DPEP2: variants seen among roughly 807,000 people sequenced by gnomAD.
DPEP2 encodes dipeptidase 2.
A neutral mutation model predicts 51.8 loss-of-function variants in DPEP2; 45 were observed. The observed-to-expected ratio is 0.87, with a 90% CI of 0.68 to 1.11. The LOEUF (loss-of-function observed/expected upper bound fraction) is 1.11. Ranked by LOEUF, DPEP2 falls within the 50% of genes most tolerant of loss-of-function variation. The probability of loss-of-function intolerance (pLI) is 0.00; values close to 1 mark genes in which losing one functional copy is unlikely to be tolerated. For missense variants in DPEP2, 604 were observed against 631.9 expected (o/e 0.96, Z 0.47); for synonymous variants, 255 against 262.7 (o/e 0.97, Z 0.28).
chr16:67,993,579 G>T, intron 1 of DPEP2: 1 of 1,023,764 alleles, frequency 9.8e-7, no homozygotes, highest in Non-Finnish European at 1.2e-6. Flanking sequence ...GCTGCCCCTA[G>T]GCTCTCTCTC....
Position 67,987,449 on chromosome 16 carries a change from A to G in DPEP2, c.*57T>C. The G allele has an allele frequency of 1.3e-6, 2 of 1,566,806 alleles. No homozygotes were observed. The highest frequency in any genetic ancestry group is 1.2e-5 in the South Asian group (1 of 85,210). ...ATATTTGTGCCTGCACAACAGGGGA[A>G]CTTTGTGGGGTGTCTGTGGCTTGCT... On this transcript the variant is annotated 3_prime_UTR_variant, in exon 11 of 11. Transcript: ENST00000393847.
intron 1 of DPEP2, among the ~76,000 whole-genome samples, chr16:67,996,922 G>C: frequency 6.6e-6 from 1 of 151,892 alleles, no homozygotes; most frequent in East Asian, 1.9e-4. Context: ...TGTAGTTGCA[G>C]TGAGCATTAT....
chr16:68,000,082 C>G (rs2032936767), upstream of DPEP2, among the ~76,000 whole-genome samples: 2 of 152,186 alleles, frequency 1.3e-5, no homozygotes, highest in African/African-American at 4.8e-5. Flanking sequence ...CAAAATCTGG[C>G]CACCTCAGTG....
intron 1 of DPEP2, among the ~76,000 whole-genome samples, chr16:67,996,507 A>G (rs1020796083): frequency 2.0e-5 from 3 of 151,414 alleles, no homozygotes; most frequent in Non-Finnish European, 4.4e-5. Flanking sequence ...TCAGCCTCCC[A>G]AGTCACTGGA....
Position 67,994,219 on chromosome 16 carries a change from C to A in DPEP2, c.-45-962G>T, listed in dbSNP as rs551562608. The A allele has an allele frequency of 2.0e-5, 20 of 985,534 alleles. No homozygotes were observed. In the Admixed American group the frequency reaches 2.5e-4, roughly 12 times the overall value. 61.0% of individuals were successfully genotyped at this position (985,534 alleles called of 1,614,324 possible). On this transcript the variant is annotated intron_variant, in intron 1 of 10. Transcript: ENST00000393847. The stretch of plus-strand genomic sequence containing the variant: ...GATACCTCCTACCTCCTTGAGGAAG[C>A]CCCGGCCTCGTCCAGGTCAGGAGTA...
chr16:67,992,953 T>C lies in DPEP2; in HGVS notation c.260A>G (p.Asp87Gly), dbSNP rs1390058968. The C allele has an allele frequency of 6.2e-7, 1 of 1,610,546 alleles. No homozygotes were observed. The highest frequency in any genetic ancestry group is 2.2e-5 in the East Asian group (1 of 44,806). The change falls in exon 2 of 11, where the codon GAC (aspartate) becomes GGC (glycine). Residue 87 changes from aspartate (D) to glycine (G), a missense_variant. Asp to Gly is a moderately conservative substitution (Grantham distance 94). Coordinates refer to ENST00000393847, the MANE Select transcript of DPEP2 (RefSeq NM_022355.4). The part of the protein sequence containing the change: ...RALMRDFPLV[D>G]GHNDLPLVLR... Reference sequence around the variant, plus strand: ...CCCCCTTGCAGCAATTACGCACCCGTCCACGAGCGGGAAGTCCCGCATCAG... The same window carrying C: ...CCCCCTTGCAGCAATTACGCACCCGCCCACGAGCGGGAAGTCCCGCATCAG...
chr16:67,988,617 G>A (rs1328967239), intron 9 of DPEP2, among the ~76,000 whole-genome samples: 2 of 142,986 alleles, frequency 1.4e-5, no homozygotes, highest in Non-Finnish European at 1.5e-5. Context: ...AAAAAAAAAA[G>A]AAAAGAAAAA....
At chr16:67,994,297 T>C in intron 1 of DPEP2, 2 of 985,484 alleles carry the variant, frequency 2.0e-6, no homozygotes, top group Non-Finnish European at 2.4e-6. Flanking sequence ...ACTCCTCTTA[T>C]CTTGTGGCTC....
chr16:67,988,668 C>T (rs546982197), intron 9 of DPEP2, among the ~76,000 whole-genome samples: 1 of 151,546 alleles, frequency 6.6e-6, no homozygotes, highest in South Asian at 2.1e-4. Flanking sequence ...GCCTGTAATC[C>T]CACACTTTAG....
At chr16:67,997,940 C>T (rs1486982416) in intron 1 of DPEP2, among the ~76,000 whole-genome samples, 1 of 152,212 alleles carries the variant, frequency 6.6e-6, no homozygotes, top group Admixed American at 6.5e-5. Flanking sequence ...TCCACTCTGC[C>T]CACTGCCAGC....
intron 1 of DPEP2, among the ~76,000 whole-genome samples, chr16:67,998,546 C>T (rs1454879865): frequency 3.3e-5 from 5 of 152,222 alleles, no homozygotes; most frequent in Admixed American, 2.0e-4. Context: ...GTGAGCGCCG[C>T]CCCCTGCTCC....
At chr16:67,998,610 G>T (rs1028473350) in intron 1 of DPEP2, among the ~76,000 whole-genome samples, 1 of 152,374 alleles carries the variant, frequency 6.6e-6, no homozygotes, top group East Asian at 1.9e-4. Flanking sequence ...GGCGCATGGC[G>T]CAGGACTGGC....
chr16:67,993,511 C>T, intron 1 of DPEP2: 2 of 1,163,152 alleles, frequency 1.7e-6, no homozygotes. Flanking sequence ...TTAGGGCCCT[C>T]CACCCTCCCT....
At chr16:67,993,515 C>T (rs1172511160) in intron 1 of DPEP2, 59 of 1,151,860 alleles carry the variant, frequency 5.1e-5, no homozygotes, top group Non-Finnish European at 6.3e-5. Flanking sequence ...GGCCCTCCAC[C>T]CTCCCTTTTA....
At chr16:67,996,522 C>T (rs960977467) in intron 1 of DPEP2, among the ~76,000 whole-genome samples, 19 of 152,012 alleles carry the variant, frequency 1.2e-4, no homozygotes, top group African/African-American at 3.9e-4. Flanking sequence ...ACTGGAATTA[C>T]AGGCATGTGC....
At position 67,991,938 on chromosome 16, in the gene DPEP2, C is replaced by T; in HGVS notation, c.562G>A (p.Glu188Lys). The T allele has an allele frequency of 1.2e-6, 2 of 1,614,228 alleles. No homozygotes were observed. The highest frequency in any genetic ancestry group is 1.3e-5 in the African/African-American group (1 of 75,064). The change falls in exon 5 of 11, where the codon GAG becomes AAG. Residue 188 changes from glutamate to lysine, a missense_variant. Physicochemically the swap from Glu to Lys is moderately conservative, Grantham distance 56. Transcript: ENST00000393847. This position sits in a 1 kb window ranked among gnomAD's most constrained non-coding sequence, Gnocchi z 5.1. ...CTATTGTCCAGCGAGTGGCCACCCTCTACACCGATGAGGCAGGCCAATTTC... is the reference window on the plus strand; with the variant it reads ...CTATTGTCCAGCGAGTGGCCACCCTTTACACCGATGAGGCAGGCCAATTTC... ...TQKLACLIGV[E>K]GGHSLDNSLS...
At chr16:67,993,975 G>A in intron 1 of DPEP2, 1 of 985,392 alleles carries the variant, frequency 1.0e-6, no homozygotes, top group Non-Finnish European at 1.2e-6. Flanking sequence ...ATCAGCCTTA[G>A]GAAAGAGCTC....
chr16:67,993,404 G>T, intron 1 of DPEP2, 147 bp from the exon 2 acceptor site: 2 of 1,262,676 alleles, frequency 1.6e-6, no homozygotes, highest in South Asian at 3.0e-5. Context: ...CGCCCAGTAC[G>T]GCCACCAGGG....
chr16:67,992,263 C>T (rs1374990534), intron 3 of DPEP2, 70 bp from the exon 4 acceptor site: 3 of 1,566,034 alleles, frequency 1.9e-6, no homozygotes, highest in East Asian at 4.5e-5. Flanking sequence ...TCACAGCCTC[C>T]ACAGCTGACA....
Sources: gnomAD v4.1 joint callset for allele counts (sites outside exome capture counted in the v4.1 genomes callset) on GRCh38, gnomAD v4.1.1 for gene constraint, Gnocchi (gnomAD v3.1) non-coding constraint, MANE v1.5 for transcripts, NCBI Gene and HGNC (gene_info 2026-07-23, HGNC 2026-07-21) for gene names.